UNC5A: variants seen among roughly 807,000 people sequenced by gnomAD.
The protein encoded by UNC5A is netrin receptor UNC5A.
A neutral mutation model predicts 87.4 loss-of-function variants in UNC5A; 20 were observed. That is an observed-to-expected ratio of 0.23 (90% CI 0.16 to 0.33). UNC5A has a LOEUF of 0.33. Ranked by LOEUF, UNC5A falls within the 10% of genes least tolerant of loss-of-function variation. The pLI is 1.00. For synonymous variants in UNC5A, 438 were observed against 482.3 expected (o/e 0.91, Z 1.20); for missense variants, 844 against 1,133.4 (o/e 0.74, Z 3.67).
chr5:176,874,339 G>T lies in UNC5A; in HGVS notation c.1151G>T (p.Arg384Leu), dbSNP rs763284885. The change falls in exon 8 of 15, where the codon CGG becomes CTG. Residue 384 changes from arginine to leucine, a missense_variant. Coordinates refer to ENST00000329542, the MANE Select transcript of UNC5A (RefSeq NM_133369.3). This position sits in a 1 kb window ranked among gnomAD's most constrained non-coding sequence, Gnocchi z 7.6. ...TTTYQGSLCP[R>L]QDGPSPKFQL... ...ACCTACCAGGGCAGTCTCTGTCCCC[G>T]GCAGGATGGGCCCAGCCCCAAGTTC... The T allele has an allele frequency of 6.2e-7, 1 of 1,613,320 alleles. No homozygotes were observed. The highest frequency in any genetic ancestry group is 1.3e-5 in the African/African-American group (1 of 75,004).
intron 1 of UNC5A, among the ~76,000 whole-genome samples, chr5:176,818,638 A>G (rs73340032): frequency 0.049 from 7,500 of 151,596 alleles, 508 homozygotes; most frequent in African/African-American, 0.15. Flanking sequence ...GGCAGCTACT[A>G]CTCTGCCCGA....
chr5:176,827,040 C>T (rs930078261), intron 1 of UNC5A, among the ~76,000 whole-genome samples: 5 of 152,026 alleles, frequency 3.3e-5, no homozygotes, highest in Non-Finnish European at 7.4e-5. Flanking sequence ...TCTGTCTCTA[C>T]GGACTTGTCT....
rs985672095 is a variant in UNC5A at position 176,865,826 on chromosome 5, G to A, written c.293-2304G>A. On this transcript the variant is annotated intron_variant, in intron 2 of 14. Transcript: ENST00000329542. The surrounding 1 kb of genome is among the most constrained non-coding windows in gnomAD (Gnocchi z 5.3). Reference sequence around the variant, plus strand: ...CCAGGAGAGCACCTACTTCCCTCTCGTTTGCCCTCATTCCTCACCCAGAAG... The same window carrying A: ...CCAGGAGAGCACCTACTTCCCTCTCATTTGCCCTCATTCCTCACCCAGAAG... 7 of 365,816 alleles carry A rather than the reference G, an allele frequency of 1.9e-5. No homozygotes were observed. The highest frequency in any genetic ancestry group is 3.3e-5 in the Non-Finnish European group (6 of 183,632). The allele number at this position is 365,816 out of a possible 1,614,324, so 22.7% of individuals were successfully genotyped here. A position where few individuals can be genotyped will look rare whatever the true frequency, so the allele number is the denominator to read the frequency against.
At chr5:176,870,601 G>A (rs1312192579) in intron 6 of UNC5A, 67 bp downstream of exon 6, 2 of 1,496,454 alleles carry the variant, frequency 1.3e-6, no homozygotes, top group Admixed American at 4.2e-5. Flanking sequence ...CCCTGGGGAG[G>A]TGGGGGCTGA....
intron 4 of UNC5A, 39 bp downstream of exon 4, chr5:176,868,703 C>T (rs201570815): frequency 2.0e-5 from 32 of 1,589,866 alleles, no homozygotes; most frequent in East Asian, 1.6e-4. Flanking sequence ...GACCTGGGCT[C>T]CTGCCTGGTC....
At chr5:176,876,823 G>A (rs1758272740) in intron 8 of UNC5A, among the ~76,000 whole-genome samples, 2 of 152,234 alleles carry the variant, frequency 1.3e-5, no homozygotes, top group African/African-American at 4.8e-5. Context: ...TTCAATGCCA[G>A]GCCAGGGAGC....
chr5:176,877,838 G>T, intron 10 of UNC5A, 56 bp from the exon 11 acceptor site: 1 of 1,540,252 alleles, frequency 6.5e-7, no homozygotes, highest in Non-Finnish European at 8.8e-7. Flanking sequence ...TGAAGCCACA[G>T]CTGGCCCTAG....
At chr5:176,856,303 C>T (rs1031925979) in intron 1 of UNC5A, among the ~76,000 whole-genome samples, 2 of 152,184 alleles carry the variant, frequency 1.3e-5, no homozygotes, top group South Asian at 2.1e-4. Context: ...CATGTGCCAG[C>T]GGGTGGCTGG....
intron 1 of UNC5A, among the ~76,000 whole-genome samples, chr5:176,853,295 G>A (rs1303568641): frequency 1.3e-5 from 2 of 152,250 alleles, no homozygotes; most frequent in African/African-American, 2.4e-5. Flanking sequence ...CAGGAAGAAG[G>A]AGCCTGTGAG....
Position 176,868,980 on chromosome 5 carries a change from C to G in UNC5A, c.721+16C>G. The G allele has an allele frequency of 6.3e-7, 1 of 1,583,538 alleles. No individual in the cohort carries two copies. The highest frequency in any genetic ancestry group is 8.6e-7 in the Non-Finnish European group (1 of 1,162,918). ...ATCGTCTACGGTGGGCCCCGGGACT[C>G]CCTGGTCACAGGGAGAGGCACTGCG... On this transcript the variant is annotated intron_variant, in intron 5 of 14. Transcript: ENST00000329542.
In UNC5A at chr5:176,880,000, C is replaced by G; in HGVS notation, c.*114C>G. The G allele has an allele frequency of 7.3e-7, 1 of 1,368,658 alleles. No individual in the cohort carries two copies. 84.8% of individuals were successfully genotyped at this position (1,368,658 alleles called of 1,614,324 possible). On this transcript the variant is annotated 3_prime_UTR_variant, in exon 15 of 15. Transcript: ENST00000329542. Reference sequence around the variant, plus strand: ...GGGGAGAGCTGCTCGGACAGGCCCCCTCCCGGCCGAAGCTGTCCCTTAATG... The same window carrying G: ...GGGGAGAGCTGCTCGGACAGGCCCCGTCCCGGCCGAAGCTGTCCCTTAATG...
In UNC5A at chr5:176,868,649, C is replaced by T; in HGVS notation, c.525C>T (p.Gly175=). ...TGCTGCCCTGCCGTCCACCGGAGGG[C>T]ATCCCTCCAGCCGAGGTGAGGGCTC... ...GIVLPCRPPE[G]IPPAEVEWLR... The change falls in exon 4 of 15, where the codon GGC becomes GGT. Residue 175 remains glycine (G), a synonymous_variant. Coordinates refer to ENST00000329542, the MANE Select transcript of UNC5A (RefSeq NM_133369.3). 1 of 1,604,388 alleles carries T rather than the reference C, an allele frequency of 6.2e-7. No homozygotes were observed. The highest frequency in any genetic ancestry group is 1.1e-5 in the South Asian group (1 of 90,146).
rs1446686073 is a variant in UNC5A at position 176,875,177 on chromosome 5, G to A, written c.1378+611G>A. On this transcript the variant is annotated intron_variant, in intron 8 of 14. Transcript: ENST00000329542. The surrounding 1 kb of genome is among the most constrained non-coding windows in gnomAD (Gnocchi z 5.2). ...GCTCCCTCCCAGTGCCCTTCTCCCCGAGCGGCCTCGCCCACTCCATGGCTT... is the reference window on the plus strand; with the variant it reads ...GCTCCCTCCCAGTGCCCTTCTCCCCAAGCGGCCTCGCCCACTCCATGGCTT... 2.6e-5 allele frequency among the ~76,000 whole-genome samples: 4 copies of A among 152,054 alleles called. No homozygotes were observed. Among genetic ancestry groups the A allele is most frequent in the African/African-American group, 7.3e-5 (3 of 41,370 alleles).
intron 1 of UNC5A, among the ~76,000 whole-genome samples, chr5:176,860,213 G>C (rs1213963127): frequency 6.6e-6 from 1 of 152,218 alleles, no homozygotes; most frequent in African/African-American, 2.4e-5. Context: ...CCACTGGGGG[G>C]GCTTGGTGAC....
chr5:176,867,036 G>A (rs1757990923), intron 2 of UNC5A, among the ~76,000 whole-genome samples: 1 of 152,124 alleles, frequency 6.6e-6, no homozygotes, highest in African/African-American at 2.4e-5. Context: ...GAGGGAAACA[G>A]CCTCCCAGCC....
At chr5:176,814,063 C>T (rs760612814) in intron 1 of UNC5A, among the ~76,000 whole-genome samples, 33 of 152,188 alleles carry the variant, frequency 2.2e-4, no homozygotes, top group South Asian at 6.2e-4. Flanking sequence ...TCCTCCAGCT[C>T]GGGCCTACTT....
Position 176,824,887 on chromosome 5 carries a change from C to T in UNC5A, c.70+14067C>T, listed in dbSNP as rs1756816130. Among the ~76,000 whole-genome samples the T allele has an allele frequency of 6.6e-6, 1 of 152,128 alleles. No homozygotes were observed. The highest frequency in any genetic ancestry group is 2.4e-5 in the African/African-American group (1 of 41,414). Reference sequence around the variant, plus strand: ...CCCATGCACCCCCAGTGCCTGCGCACTGCCCTCTCTTTGCCACTCACCCCC... The same window carrying T: ...CCCATGCACCCCCAGTGCCTGCGCATTGCCCTCTCTTTGCCACTCACCCCC... On this transcript the variant is annotated intron_variant, in intron 1 of 14. Coordinates refer to ENST00000329542, the MANE Select transcript of UNC5A (RefSeq NM_133369.3). The surrounding 1 kb of genome is among the most constrained non-coding windows in gnomAD (Gnocchi z 4.2).
At chr5:176,850,097 C>T (rs1213479639) in intron 1 of UNC5A, among the ~76,000 whole-genome samples, 1 of 152,260 alleles carries the variant, frequency 6.6e-6, no homozygotes, top group African/African-American at 2.4e-5. Flanking sequence ...AGCCATGCAG[C>T]CCCACGTCCC....
In UNC5A at chr5:176,861,282, A is replaced by C. The variant is rs547040180; in HGVS notation, c.71-1342A>C. On this transcript the variant is annotated intron_variant, in intron 1 of 14. Transcript: ENST00000329542. ...CACGCCTGTTTCATTTCATCCTCAC[A>C]ACAGCCTTAAGAACTGGGCACCACG... Among the ~76,000 whole-genome samples the C allele has an allele frequency of 3.3e-5, 5 of 152,314 alleles. No individual in the cohort carries two copies. In the South Asian group the frequency reaches 1.0e-3, roughly 32 times the overall value.
Sources: allele counts gnomAD v4.1 joint callset (sites outside exome capture counted in the v4.1 genomes callset), GRCh38; gene constraint gnomAD v4.1.1; non-coding constraint Gnocchi (gnomAD v3.1); transcripts MANE v1.5; gene names NCBI Gene and HGNC (gene_info 2026-07-23, HGNC 2026-07-21).